PXMP4: variants seen among roughly 807,000 people sequenced by gnomAD.
PXMP4 encodes the protein peroxisomal membrane protein 4, also known as 24 kDa peroxisomal intrinsic membrane protein.
A neutral mutation model predicts 21.6 loss-of-function variants in PXMP4; 16 were observed. The ratio of observed to expected loss-of-function variants is 0.74; its 90% CI spans 0.50 to 1.13. PXMP4 has a LOEUF of 1.13. Among genes scored for constraint, PXMP4 ranks in the 50% most tolerant of loss-of-function variants. The pLI, the probability that PXMP4 is intolerant of heterozygous loss-of-function variation, is 0.00. For synonymous variants in PXMP4, 127 were observed against 123.8 expected, an observed-to-expected ratio of 1.03 and a Z score of -0.17; for missense variants, 240 against 277.7, an observed-to-expected ratio of 0.86 and a Z score of 0.96.
chr20:33,710,629 G>A lies in PXMP4; in HGVS notation c.301C>T (p.Pro101Ser). The A allele has an allele frequency of 1.2e-6, 2 of 1,613,952 alleles. No homozygotes were observed. Among genetic ancestry groups the A allele is most frequent in the Non-Finnish European group, 1.7e-6 (2 of 1,179,974 alleles). ...LQSYIQGKTY[P>S]AHAFLAAFLG... ...AAGGCCGCCAGGAATGCGTGTGCTGGGTAGGTCTTGCCTTGTATGTAGGAC... is the reference window on the plus strand; with the variant it reads ...AAGGCCGCCAGGAATGCGTGTGCTGAGTAGGTCTTGCCTTGTATGTAGGAC... The change falls in exon 3 of 4, where the codon CCA (proline) becomes TCA (serine). Residue 101 changes from proline (P) to serine (S), a missense_variant. Transcript: ENST00000409299.
chr20:33,720,229 C>A lies in PXMP4; in HGVS notation c.-22G>T, dbSNP rs757415993. 1 of 1,595,202 alleles carries A rather than the reference C, an allele frequency of 6.3e-7. No homozygotes were observed. Among genetic ancestry groups the A allele is most frequent in the South Asian group, 1.1e-5 (1 of 88,892 alleles). ...CCATAGTGCGGGCTGCGCGCAGGGT[C>A]GGGGTTAGGAACTGTAAGCGCACTG... On this transcript the variant is annotated 5_prime_UTR_variant, in exon 1 of 4. Coordinates refer to ENST00000409299, the MANE Select transcript of PXMP4 (RefSeq NM_007238.5).
In PXMP4 at chr20:33,704,490, C is replaced by T. The variant is rs1396317724; in HGVS notation, c.*3216G>A. The T allele has an allele frequency of 6.6e-6, 1 of 152,266 alleles. No homozygotes were observed. The highest frequency in any genetic ancestry group is 6.5e-5 in the Admixed American group (1 of 15,284). The allele number at this position is 152,266 out of a possible 1,614,324, so 9.4% of individuals were successfully genotyped here. ...TCCTGCTGCGTGGCCTGGTTCCGAA[C>T]AGGCCATGGACCGGTACCGGGGTTG... On this transcript the variant is annotated 3_prime_UTR_variant, in exon 4 of 4. Coordinates refer to ENST00000409299, the MANE Select transcript of PXMP4 (RefSeq NM_007238.5).
chr20:33,708,793 C>T (rs1242806918), intron 3 of PXMP4, among the ~76,000 whole-genome samples: 4 of 151,354 alleles, frequency 2.6e-5, no homozygotes, highest in Admixed American at 6.6e-5. Flanking sequence ...CTGGTTCAAG[C>T]GATTCTCCTG....
At position 33,707,601 on chromosome 20, in the gene PXMP4, A is replaced by G; in HGVS notation, c.*105T>C. ...CTTCAGCAAACGGAACCCTGGGATAACACCAGTTGGAGTCTGAGGCCTATG... is the reference window on the plus strand; with the variant it reads ...CTTCAGCAAACGGAACCCTGGGATAGCACCAGTTGGAGTCTGAGGCCTATG... On this transcript the variant is annotated 3_prime_UTR_variant, in exon 4 of 4. Transcript: ENST00000409299. The G allele has an allele frequency of 2.1e-6, 3 of 1,445,526 alleles. No homozygotes were observed. Among genetic ancestry groups the G allele is most frequent in the Non-Finnish European group, 2.8e-6 (3 of 1,066,286 alleles). 89.5% of individuals were successfully genotyped at this position (1,445,526 alleles called of 1,614,324 possible). A position where few individuals can be genotyped will look rare whatever the true frequency, so the allele number is the denominator to read the frequency against.
Position 33,707,744 on chromosome 20 carries a change from C to T in PXMP4, c.601G>A (p.Asp201Asn), listed in dbSNP as rs1244993598. 1.9e-6 allele frequency: 3 copies of T among 1,613,990 alleles called. No homozygotes were observed. The Admixed American group carries it at 5.0e-5, about 27-fold the overall frequency. The change falls in exon 4 of 4, where the codon GAC becomes AAC. Residue 201 changes from aspartate to asparagine, a missense_variant. Physicochemically the swap from Asp to Asn is conservative, Grantham distance 23. Coordinates refer to ENST00000409299, the MANE Select transcript of PXMP4 (RefSeq NM_007238.5). ...EDSNVWHDIS[D>N]FLVYNKSRPS... is the part of the protein sequence containing the mutation. ...CGGCTCTTGTTATAGACGAGGAAGT[C>T]TGAGATGTCGTGCCATACATTGCTG...
chr20:33,720,250 C>A lies in PXMP4; in HGVS notation c.-43G>T. 1.9e-6 allele frequency: 3 copies of A among 1,541,730 alleles called. No homozygotes were observed. Among genetic ancestry groups the A allele is most frequent in the Non-Finnish European group, 2.6e-6 (3 of 1,132,380 alleles). On this transcript the variant is annotated 5_prime_UTR_variant, in exon 1 of 4. Coordinates refer to ENST00000409299, the MANE Select transcript of PXMP4 (RefSeq NM_007238.5). ...GGGTCGGGGTTAGGAACTGTAAGCG[C>A]ACTGACAGCCGGAGGTTCCAGCTGC...
intron 1 of PXMP4, 48 bp from the exon 2 acceptor site, chr20:33,714,784 T>G (rs770817342): frequency 4.4e-6 from 7 of 1,584,006 alleles, no homozygotes; most frequent in Non-Finnish European, 2.6e-6. Flanking sequence ...TGTGTCGCAC[T>G]TTCTTTTTGG....
rs926885869 is a variant in PXMP4 at position 33,704,512 on chromosome 20, G to A, written c.*3194C>T. On this transcript the variant is annotated 3_prime_UTR_variant, in exon 4 of 4. Transcript: ENST00000409299. ...GAACAGGCCATGGACCGGTACCGGGGTTGCGGACCCCTTACTCTAGAGCTC... is the reference window on the plus strand; with the variant it reads ...GAACAGGCCATGGACCGGTACCGGGATTGCGGACCCCTTACTCTAGAGCTC... 1 of 152,344 alleles carries A rather than the reference G, an allele frequency of 6.6e-6. No individual in the cohort carries two copies. Among genetic ancestry groups the A allele is most frequent in the East Asian group, 1.9e-4 (1 of 5,192 alleles). The allele number at this position is 152,344 out of a possible 1,614,324, so 9.4% of individuals were successfully genotyped here.
In PXMP4 at chr20:33,703,500, T is replaced by G. The variant is rs2018226068; in HGVS notation, c.*4206A>C. On this transcript the variant is annotated 3_prime_UTR_variant, in exon 4 of 4. Coordinates refer to ENST00000409299, the MANE Select transcript of PXMP4 (RefSeq NM_007238.5). ...CCTGACCACCATGCTATATTGCCTC[T>G]CAACCTGCTGTACAGAGGCCAGTTT... 1 of 152,266 alleles carries G rather than the reference T, an allele frequency of 6.6e-6. No homozygotes were observed. The highest frequency in any genetic ancestry group is 2.1e-4 in the South Asian group (1 of 4,836). 9.4% of individuals were successfully genotyped at this position (152,266 alleles called of 1,614,324 possible).
In PXMP4 at chr20:33,705,192, G is replaced by A. The variant is rs1420149431; in HGVS notation, c.*2514C>T. On this transcript the variant is annotated 3_prime_UTR_variant, in exon 4 of 4. Transcript: ENST00000409299. ...TTTAGTAGAGACAGGATTTCGCCAT[G>A]TTGGCCAGGCTGGTCTCGAACTCCT... The A allele has an allele frequency of 1.3e-5, 2 of 151,778 alleles. No homozygotes were observed. The highest frequency in any genetic ancestry group is 2.9e-5 in the Non-Finnish European group (2 of 67,864). The allele number at this position is 151,778 out of a possible 1,614,324, so 9.4% of individuals were successfully genotyped here.
In PXMP4 at chr20:33,703,553, C is replaced by CT. The variant is rs2018226834; in HGVS notation, c.*4152dup. 1 of 152,306 alleles carries CT rather than the reference C, an allele frequency of 6.6e-6. No individual in the cohort carries two copies. Among genetic ancestry groups the CT allele is most frequent in the Admixed American group, 6.5e-5 (1 of 15,286 alleles). 9.4% of individuals were successfully genotyped at this position (152,306 alleles called of 1,614,324 possible). A position where few individuals can be genotyped will look rare whatever the true frequency, so the allele number is the denominator to read the frequency against. On this transcript the variant is annotated 3_prime_UTR_variant, in exon 4 of 4. Coordinates refer to ENST00000409299, the MANE Select transcript of PXMP4 (RefSeq NM_007238.5). Reference sequence around the variant, plus strand: ...GTTTGGGTTCCCCCAATAGCAGACTCTAAGACAAGGGTTTGAGTGCAAGTG... The same window carrying CT: ...GTTTGGGTTCCCCCAATAGCAGACTCTTAAGACAAGGGTTTGAGTGCAAGTG...
chr20:33,709,605 G>T (rs1253927800), intron 3 of PXMP4, among the ~76,000 whole-genome samples: 1 of 151,964 alleles, frequency 6.6e-6, no homozygotes, highest in African/African-American at 2.4e-5. Context: ...GTCACAGAGG[G>T]ACTGGTGAGT....
intron 2 of PXMP4, 148 bp downstream of exon 2, chr20:33,714,526 A>AACT: frequency 1.1e-6 from 1 of 871,318 alleles, no homozygotes; most frequent in East Asian, 2.4e-5. Flanking sequence ...CAACAACAAC[A>AACT]ACAACAACAA....
Position 33,707,620 on chromosome 20 carries a change from G to C in PXMP4, c.*86C>G. ...GGGATAACACCAGTTGGAGTCTGAGGCCTATGATCTTGAGAAGGCAGTATC... is the reference window on the plus strand; with the variant it reads ...GGGATAACACCAGTTGGAGTCTGAGCCCTATGATCTTGAGAAGGCAGTATC... On this transcript the variant is annotated 3_prime_UTR_variant, in exon 4 of 4. Coordinates refer to ENST00000409299, the MANE Select transcript of PXMP4 (RefSeq NM_007238.5). 1 of 1,510,040 alleles carries C rather than the reference G, an allele frequency of 6.6e-7. No individual in the cohort carries two copies. The highest frequency in any genetic ancestry group is 9.0e-7 in the Non-Finnish European group (1 of 1,111,360). The allele number at this position is 1,510,040 out of a possible 1,614,324, so 93.5% of individuals were successfully genotyped here.
chr20:33,710,503 T>G, intron 3 of PXMP4, 52 bp downstream of exon 3: 2 of 424,740 alleles, frequency 4.7e-6, no homozygotes, highest in Non-Finnish European at 7.0e-6. Flanking sequence ...CACCCCCACC[T>G]CTGTGCTGAA....
rs1227716774 is a variant in PXMP4, at chr20:33,703,698, C to G, written c.*4008G>C. The G allele has an allele frequency of 2.0e-5, 3 of 152,446 alleles. No homozygotes were observed. The allele number at this position is 152,446 out of a possible 1,614,324, so 9.4% of individuals were successfully genotyped here. A position where few individuals can be genotyped will look rare whatever the true frequency, so the allele number is the denominator to read the frequency against. On this transcript the variant is annotated 3_prime_UTR_variant, in exon 4 of 4. Coordinates refer to ENST00000409299, the MANE Select transcript of PXMP4 (RefSeq NM_007238.5). ...GGGAGTCAGTGTGGAGCACGCACCT[C>G]TGAGTTATCCCACCCGAGGGGTGAG... is the stretch of plus-strand genomic sequence containing the variant.
At position 33,710,665 on chromosome 20, in the gene PXMP4, G is replaced by A. The variant is rs947210467; in HGVS notation, c.265C>T (p.Arg89Cys). 1.9e-6 allele frequency: 3 copies of A among 1,613,814 alleles called. No homozygotes were observed. The highest frequency in any genetic ancestry group is 2.7e-5 in the African/African-American group (2 of 74,858). The change falls in exon 3 of 4, where the codon CGT becomes TGT. Residue 89 changes from arginine (R) to cysteine (C), a missense_variant. Coordinates refer to ENST00000409299, the MANE Select transcript of PXMP4 (RefSeq NM_007238.5). ...ARFVFTYKGL[R>C]ALQSYIQGKT... ...CCTTGTATGTAGGACTGCAGGGCACGGAGACCCTTGTAGGTGAACACAAAC... is the reference window on the plus strand; with the variant it reads ...CCTTGTATGTAGGACTGCAGGGCACAGAGACCCTTGTAGGTGAACACAAAC...
rs1308970696 is a variant in PXMP4 at position 33,703,649 on chromosome 20, G to A, written c.*4057C>T. 1.3e-5 allele frequency: 2 copies of A among 152,426 alleles called. No individual in the cohort carries two copies. Among genetic ancestry groups the A allele is most frequent in the Non-Finnish European group, 2.9e-5 (2 of 68,162 alleles). 9.4% of individuals were successfully genotyped at this position (152,426 alleles called of 1,614,324 possible). Reference sequence around the variant, plus strand: ...GAAGGGAGATGGGGAGGGTGTTTGAGGCTCAGCCCTGCTGGGCGGCCCTGG... The same window carrying A: ...GAAGGGAGATGGGGAGGGTGTTTGAAGCTCAGCCCTGCTGGGCGGCCCTGG... On this transcript the variant is annotated 3_prime_UTR_variant, in exon 4 of 4. Transcript: ENST00000409299.
rs567099135 is a variant in PXMP4, at chr20:33,718,374, G to A, written c.113+1721C>T. Among the ~76,000 whole-genome samples, 79 of 151,890 alleles carry A rather than the reference G, an allele frequency of 5.2e-4. 2 individuals carry two copies. In the South Asian group the frequency reaches 0.012, roughly 22 times the overall value. ...AAATACAAAAAAATTAGCCGGGCGT[G>A]GTGGTGGGTGCCTGTAGTCCCAGCT... On this transcript the variant is annotated intron_variant, in intron 1 of 3. Coordinates refer to ENST00000409299, the MANE Select transcript of PXMP4 (RefSeq NM_007238.5).
Sources: gnomAD v4.1 joint callset for allele counts (sites outside exome capture counted in the v4.1 genomes callset) on GRCh38, gnomAD v4.1.1 for gene constraint, MANE v1.5 for transcripts, NCBI Gene and HGNC (gene_info 2026-07-23, HGNC 2026-07-21) for gene names.